POLRMT: variants seen among roughly 807,000 people sequenced by gnomAD.
POLRMT encodes RNA polymerase mitochondrial.
POLRMT carries 114 observed loss-of-function variants against 132.2 expected under a neutral mutation model. The ratio of observed to expected loss-of-function variants is 0.86; its 90% confidence interval spans 0.74 to 1.01. The LOEUF (loss-of-function observed/expected upper bound fraction) is 1.01. Among genes scored for constraint, POLRMT ranks in the 50% least tolerant of loss-of-function variants. POLRMT has a pLI of 0.00. For synonymous variants in POLRMT, 1,020 were observed against 773.4 expected, an observed-to-expected ratio of 1.32 and a Z score of -5.29; for missense variants, 2,003 against 1,729.1, an observed-to-expected ratio of 1.16 and a Z score of -2.81.
Position 617,529 on chromosome 19 carries a change from G to A in POLRMT, c.3581+41C>T, listed in dbSNP as rs765551126. On this transcript the variant is annotated intron_variant, in intron 19 of 20. Coordinates refer to ENST00000588649, the MANE Select transcript of POLRMT (RefSeq NM_005035.4). ...TGAGGCTGAGGCCAGGTTTTGGGGT[G>A]GGGGGGGAATCCAGGTAGTTGGGGT... 68 of 1,579,964 alleles carry A rather than the reference G, an allele frequency of 4.3e-5. No individual in the cohort carries two copies. The Admixed American group carries it at 4.8e-4, about 11-fold the overall frequency.
chr19:618,188 G>A (rs899580275), intron 17 of POLRMT: 4 of 547,240 alleles, frequency 7.3e-6, no homozygotes, highest in African/African-American at 3.8e-5. Context: ...GGTAGATTCT[G>A]CTGGAACGAC....
In POLRMT at chr19:622,164, G is replaced by A. The variant is rs1268483227; in HGVS notation, c.1836C>T (p.Phe612=). Residue 612 remains phenylalanine (F), a synonymous_variant, in exon 9 of 21, where the codon TTC becomes TTT. Transcript: ENST00000588649. The part of the protein sequence containing the change: ...LVPVLYHVYS[F]RNVQQIGILK... ...TGCCTGGCACCTGCTGGACGTTGCG[G>A]AAGGAATACACGTGGTAGAGCACGG... 2 of 1,561,992 alleles carry A rather than the reference G, an allele frequency of 1.3e-6. No individual in the cohort carries two copies. Among genetic ancestry groups the A allele is most frequent in the South Asian group, 1.2e-5 (1 of 86,262 alleles).
intron 3 of POLRMT, among the ~76,000 whole-genome samples, chr19:627,627 GC>G (rs1985118827): frequency 6.6e-6 from 1 of 151,958 alleles, no homozygotes; most frequent in East Asian, 1.9e-4. Flanking sequence ...ACTGGATGGT[GC>G]TGGTTAGAAT....
chr19:626,942 C>A (rs907109678), intron 3 of POLRMT, among the ~76,000 whole-genome samples: 11 of 148,470 alleles, frequency 7.4e-5, no homozygotes, highest in Non-Finnish European at 1.6e-4. Flanking sequence ...TAATTTTTTT[C>A]TTGTATTCAT....
chr19:617,416 T>G lies in POLRMT; in HGVS notation c.3643+3A>C. The G allele has an allele frequency of 6.2e-7, 1 of 1,612,356 alleles. No homozygotes were observed. The highest frequency in any genetic ancestry group is 8.5e-7 in the Non-Finnish European group (1 of 1,179,834). The stretch of plus-strand genomic sequence containing the variant: ...ACCCTTGCGAGGCTGCCCACCCGCC[T>G]ACCTGGCTTGGGCACCGCCTGCAGT... On this transcript the variant is annotated splice_donor_region_variant and intron_variant, in intron 20 of 20. Transcript: ENST00000588649.
At chr19:622,789 C>G in intron 7 of POLRMT, 32 bp downstream of exon 7, 4 of 1,571,026 alleles carry the variant, frequency 2.5e-6, no homozygotes, top group Non-Finnish European at 3.5e-6. Context: ...CCCGCCCCGC[C>G]CGGGGACCCG....
chr19:618,570 T>TAC lies in POLRMT; in HGVS notation c.3338_3339dup (p.Lys1114ValfsTer20). On this transcript the variant is annotated frameshift_variant, in exon 17 of 21. Transcript: ENST00000588649. LOFTEE classifies it high-confidence loss of function. ...TTGGGCGGGAAGCCGTTCTTCTGCT[T>TAC]ACGTGTGTTGGGCTTTCTGAGGACG... The TAC allele has an allele frequency of 6.2e-7, 1 of 1,613,160 alleles. No homozygotes were observed. Among genetic ancestry groups the TAC allele is most frequent in the Non-Finnish European group, 8.5e-7 (1 of 1,179,376 alleles).
At chr19:620,273 C>T in intron 11 of POLRMT, 92 bp downstream of exon 11, 1 of 1,463,514 alleles carries the variant, frequency 6.8e-7, no homozygotes, top group Non-Finnish European at 9.1e-7. Context: ...CCAGAGAATA[C>T]CACGAGCGAA....
At chr19:629,119 G>A (rs1256503446) in intron 3 of POLRMT, among the ~76,000 whole-genome samples, 15 of 152,154 alleles carry the variant, frequency 9.9e-5, no homozygotes, top group Non-Finnish European at 4.4e-5. Flanking sequence ...AGGGAATGCG[G>A]CGCCAGTGAA....
rs1438239235 is a variant in POLRMT, at chr19:620,918, CGGGCAGGGGGCGCCAGGGGAG to C, written c.2640+119_2640+139del. On this transcript the variant is annotated intron_variant, in intron 10 of 20. Coordinates refer to ENST00000588649, the MANE Select transcript of POLRMT (RefSeq NM_005035.4). The stretch of plus-strand genomic sequence containing the variant: ...GGGGAGGGGGAGGGGAGGAGGAAGA[CGGGCAGGGGGCGCCAGGGGAG>C]GGGGAGGGGAGGAGGAAGACGGGCA... 1.1e-4 allele frequency: 13 copies of C among 115,572 alleles called. 1 individual carries two copies. The South Asian group carries it at 1.1e-3, about 10-fold the overall frequency. 7.2% of individuals were successfully genotyped at this position (115,572 alleles called of 1,614,324 possible).
intron 17 of POLRMT, chr19:618,192 G>A: frequency 1.8e-6 from 1 of 547,002 alleles, no homozygotes; most frequent in Non-Finnish European, 3.3e-6. Flanking sequence ...GATTCTGCTG[G>A]AACGACCTCC....
chr19:626,857 G>T (rs557787452), intron 3 of POLRMT, among the ~76,000 whole-genome samples: 1 of 148,020 alleles, frequency 6.8e-6, no homozygotes, highest in Non-Finnish European at 1.5e-5. Context: ...CTTTGCTGTC[G>T]ACAGACTTGG....
rs1474424013 is a variant in POLRMT at position 620,028 on chromosome 19, A to G, written c.2816T>C (p.Val939Ala). The G allele has an allele frequency of 6.4e-7, 1 of 1,567,630 alleles. No homozygotes were observed. Among genetic ancestry groups the G allele is most frequent in the East Asian group, 2.3e-5 (1 of 43,102 alleles). The part of the protein sequence containing the change: ...QHYAALGRDS[V>A]GAASVNLEPS... ...CTCCAGGTTGACGGAGGCGGCGCCCACGCTGTCGCGGCCCAGAGCAGCATA... is the reference window on the plus strand; with the variant it reads ...CTCCAGGTTGACGGAGGCGGCGCCCGCGCTGTCGCGGCCCAGAGCAGCATA... The change falls in exon 12 of 21, where the codon GTG (valine) becomes GCG (alanine). Residue 939 changes from valine to alanine, a missense_variant. Transcript: ENST00000588649.
chr19:630,154 C>A lies in POLRMT; in HGVS notation c.208G>T (p.Val70Leu). ...VELLEVLQAR[V>L]RQLQAESVSE... is the part of the protein sequence containing the mutation. ...ACGCTCTCAGCCTGCAGCTGCCGCA[C>A]CCGCGCCTGGAGCACTGTGAGGGGC... Residue 70 changes from valine (V) to leucine (L), a missense_variant, in exon 3 of 21, where the codon GTG (valine) becomes TTG (leucine). Val to Leu is a conservative substitution (Grantham distance 32). Coordinates refer to ENST00000588649, the MANE Select transcript of POLRMT (RefSeq NM_005035.4). 1.3e-6 allele frequency: 2 copies of A among 1,597,034 alleles called. No individual in the cohort carries two copies. The highest frequency in any genetic ancestry group is 1.7e-4 in the Middle Eastern group (1 of 5,984).
Position 622,677 on chromosome 19 carries a change from G to A in POLRMT, c.1531C>T (p.Arg511Trp). Residue 511 changes from arginine to tryptophan, a missense_variant, in exon 8 of 21, where the codon CGG (arginine) becomes TGG (tryptophan). Arg to Trp is a moderately radical substitution (Grantham distance 101). Coordinates refer to ENST00000588649, the MANE Select transcript of POLRMT (RefSeq NM_005035.4). ...ACCCGCTGCCTCTGCACCACGTGCC[G>A]GCTGAAAGTGCGCGCACTCAGCTCC... ...ARELSARTFS[R>W]HVVQRQRVSG... The A allele has an allele frequency of 1.9e-6, 3 of 1,605,566 alleles. No homozygotes were observed. The highest frequency in any genetic ancestry group is 2.5e-6 in the Non-Finnish European group (3 of 1,177,366).
intron 3 of POLRMT, among the ~76,000 whole-genome samples, chr19:626,984 T>C (rs1568173792): frequency 6.6e-6 from 1 of 151,746 alleles, no homozygotes; most frequent in Non-Finnish European, 1.5e-5. Context: ...GAGCAATTTC[T>C]CCTTTGACCC....
intron 3 of POLRMT, among the ~76,000 whole-genome samples, chr19:626,905 A>G (rs1985063086): frequency 6.7e-6 from 1 of 150,104 alleles, no homozygotes; most frequent in Non-Finnish European, 1.5e-5. Flanking sequence ...ACACATATAT[A>G]TATATATATA....
rs753709111 is a variant in POLRMT at position 624,761 on chromosome 19, G to A, written c.1098C>T (p.Pro366=). 1.2e-6 allele frequency: 2 copies of A among 1,613,820 alleles called. No homozygotes were observed. The highest frequency in any genetic ancestry group is 1.7e-5 in the Admixed American group (1 of 60,008). The change falls in exon 5 of 21, where the codon CCC becomes CCT. Residue 366 remains proline (P), a synonymous_variant. Coordinates refer to ENST00000588649, the MANE Select transcript of POLRMT (RefSeq NM_005035.4). The part of the protein sequence containing the change: ...PTFSLPPQLP[P]PVNTSKLLRD... The stretch of plus-strand genomic sequence containing the variant: ...TGAGCAGCTTGGAGGTGTTGACCGG[G>A]GGCGGCAGCTGCGGCGGGAGGCTGA...
intron 3 of POLRMT, among the ~76,000 whole-genome samples, chr19:628,418 C>T (rs554671747): frequency 1.5e-4 from 23 of 152,336 alleles, no homozygotes; most frequent in Non-Finnish European, 2.9e-4. Context: ...CTCCACCTCG[C>T]GGTAAGAGCA....
Sources: gnomAD v4.1 joint callset for allele counts (sites outside exome capture counted in the v4.1 genomes callset) on GRCh38, gnomAD v4.1.1 for gene constraint, MANE v1.5 for transcripts, NCBI Gene and HGNC (gene_info 2026-07-23, HGNC 2026-07-21) for gene names.